Variants in TENM2 observed in about 807,000 individuals in gnomAD.
TENM2 encodes teneurin transmembrane protein 2.
TENM2 carries 52 observed loss-of-function variants against 245.2 expected under a neutral mutation model. The ratio of observed to expected loss-of-function variants is 0.21; its 90% confidence interval spans 0.17 to 0.27. The LOEUF (loss-of-function observed/expected upper bound fraction) is 0.27. Among genes scored for constraint, TENM2 ranks in the 10% least tolerant of loss-of-function variants. The probability of loss-of-function intolerance (pLI) is 1.00; values close to 1 mark genes in which losing one functional copy is unlikely to be tolerated. For synonymous variants in TENM2, 1,363 were observed against 1,438.9 expected, an observed-to-expected ratio of 0.95 and a Z score of 1.19; for missense variants, 3,046 against 3,666.8, an observed-to-expected ratio of 0.83 and a Z score of 4.37.
intron 1 of TENM2, among the ~76,000 whole-genome samples, chr5:167,337,034 G>C (rs896780091): frequency 6.8e-5 from 10 of 147,754 alleles, no homozygotes; most frequent in Admixed American, 4.0e-4. Context: ...GGAGAATGGC[G>C]TGAACCCGGG....
chr5:167,052,919 T>G, the TENM2 span, among the ~76,000 whole-genome samples: 1 of 152,296 alleles, frequency 6.6e-6, no homozygotes, highest in African/African-American at 2.4e-5. Context: ...TTACTTAAAA[T>G]TATTCAATGC....
intron 3 of TENM2, among the ~76,000 whole-genome samples, chr5:167,927,026 G>A (rs62384402): frequency 0.11 from 16,951 of 151,716 alleles, 1,018 homozygotes; most frequent in African/African-American, 0.15. Context: ...TAATTTTTTG[G>A]CCAGCTTCAG....
At chr5:168,002,844 A>T (rs1056987573) in intron 5 of TENM2, among the ~76,000 whole-genome samples, 1 of 152,238 alleles carries the variant, frequency 6.6e-6, no homozygotes, top group Admixed American at 6.5e-5. Context: ...ACTTTGGCAT[A>T]TGATTGGCTG....
intron 2 of TENM2, among the ~76,000 whole-genome samples, chr5:167,609,488 C>CAA (rs5873049): frequency 2.5e-4 from 9 of 36,680 alleles, no homozygotes; most frequent in African/African-American, 6.9e-4. Context: ...CCTGATGATG[C>CAA]AAAAAAAAAA....
intron 2 of TENM2, among the ~76,000 whole-genome samples, chr5:167,616,832 GT>G (rs578037747): frequency 6.6e-6 from 1 of 151,718 alleles, no homozygotes; most frequent in Non-Finnish European, 1.5e-5. Context: ...AGTTACATTT[GT>G]TTTTTTTAAT....
the TENM2 span, among the ~76,000 whole-genome samples, chr5:167,088,043 C>T: frequency 6.6e-6 from 1 of 152,122 alleles, no homozygotes; most frequent in Admixed American, 6.5e-5. Context: ...CTGCCTTGGC[C>T]TCCCAAAGTG....
the TENM2 span, among the ~76,000 whole-genome samples, chr5:166,980,551 T>C: frequency 6.6e-6 from 1 of 152,236 alleles, no homozygotes; most frequent in Non-Finnish European, 1.5e-5. Context: ...GGGTTCTTGA[T>C]CATTACCATG....
chr5:167,203,968 A>T, the TENM2 span, among the ~76,000 whole-genome samples: 1 of 152,162 alleles, frequency 6.6e-6, no homozygotes, highest in Non-Finnish European at 1.5e-5. Context: ...TGGATGCATT[A>T]TAATGCAATG....
chr5:168,149,230 C>G (rs1410267205), intron 12 of TENM2, among the ~76,000 whole-genome samples: 1 of 152,158 alleles, frequency 6.6e-6, no homozygotes, highest in Non-Finnish European at 1.5e-5. Context: ...CTCTCCGCGT[C>G]TCCACTCTCA....
At chr5:167,112,013 C>T in the TENM2 span, among the ~76,000 whole-genome samples, 2 of 152,098 alleles carry the variant, frequency 1.3e-5, no homozygotes, top group African/African-American at 4.8e-5. Flanking sequence ...CTTTATTCTG[C>T]CATATTGTGA....
chr5:167,298,105 T>C (rs72645738), intron 1 of TENM2, among the ~76,000 whole-genome samples: 1 of 151,422 alleles, frequency 6.6e-6, no homozygotes, highest in Non-Finnish European at 1.5e-5. Context: ...TTGGGGAAAA[T>C]TTTTGGGGGT....
chr5:167,067,730 A>G, the TENM2 span, among the ~76,000 whole-genome samples: 15 of 152,264 alleles, frequency 9.9e-5, no homozygotes, highest in South Asian at 3.1e-3. Context: ...CATCTCTAAC[A>G]TACACTCGAC....
intron 3 of TENM2, among the ~76,000 whole-genome samples, chr5:167,899,459 C>T (rs904446859): frequency 2.6e-5 from 4 of 152,218 alleles, no homozygotes; most frequent in African/African-American, 7.2e-5. Flanking sequence ...ATGGATTTAT[C>T]GTGTGCCACG....
At chr5:167,680,745 A>G (rs1030908094) in intron 2 of TENM2, among the ~76,000 whole-genome samples, 4 of 152,144 alleles carry the variant, frequency 2.6e-5, no homozygotes, top group Admixed American at 6.5e-5. Context: ...TGAGATAAAA[A>G]CATCTATCTA....
At chr5:167,725,829 T>A (rs1384765740) in intron 2 of TENM2, among the ~76,000 whole-genome samples, 1 of 152,084 alleles carries the variant, frequency 6.6e-6, no homozygotes, top group Non-Finnish European at 1.5e-5. Context: ...CTTTGCCTTG[T>A]CCCTTTTGCC....
At chr5:167,084,871 A>G in the TENM2 span, among the ~76,000 whole-genome samples, 1 of 152,150 alleles carries the variant, frequency 6.6e-6, no homozygotes, top group Non-Finnish European at 1.5e-5. Flanking sequence ...TACTCCAGGG[A>G]AAAAAATACT....
chr5:167,695,291 A>G (rs1184107445), intron 2 of TENM2, among the ~76,000 whole-genome samples: 1 of 152,232 alleles, frequency 6.6e-6, no homozygotes, highest in Non-Finnish European at 1.5e-5. Flanking sequence ...CAGTTCAGCC[A>G]TTTTAGCACT....
chr5:167,193,553 T>C, the TENM2 span, among the ~76,000 whole-genome samples: 1 of 152,022 alleles, frequency 6.6e-6, no homozygotes, highest in African/African-American at 2.4e-5. Context: ...TCTCTATTTT[T>C]TACATAAAAA....
chr5:168,162,927 G>C (rs1560649), intron 13 of TENM2, among the ~76,000 whole-genome samples, 170 bp downstream of exon 15: 52,816 of 152,138 alleles, frequency 0.35, 10,147 homozygotes, highest in African/African-American at 0.49. Flanking sequence ...TGCCAGGGGG[G>C]ATCTCTGGGA....
Sources: gnomAD v4.1 joint callset for allele counts (sites outside exome capture counted in the v4.1 genomes callset) on GRCh38, gnomAD v4.1.1 for gene constraint, MANE v1.5 for transcripts, NCBI Gene and HGNC (gene_info 2026-07-23, HGNC 2026-07-21) for gene names.